The following FER variants were observed in gnomAD, a reference collection of about 807,000 sequenced individuals.
FER encodes the protein tyrosine-protein kinase Fer.
A neutral mutation model predicts 111.0 loss-of-function variants in FER; 63 were observed. That is an observed-to-expected ratio of 0.57 (90% CI 0.46 to 0.70). FER has a LOEUF of 0.70. FER is among the 30% of genes least tolerant of loss of function. FER has a pLI of 0.00. For missense variants in FER, 914 were observed against 954.0 expected, an observed-to-expected ratio of 0.96 and a Z score of 0.55; for synonymous variants, 327 against 313.9, an observed-to-expected ratio of 1.04 and a Z score of -0.44.
intron 5 of FER, among the ~76,000 whole-genome samples, chr5:108,864,557 G>C (rs557380873): frequency 6.6e-6 from 1 of 152,268 alleles, no homozygotes; most frequent in South Asian, 2.1e-4. Flanking sequence ...ATCTGTTTCT[G>C]TTTCAGCTTT....
chr5:108,838,629 T>A (rs1391405011), intron 5 of FER, among the ~76,000 whole-genome samples: 1 of 152,162 alleles, frequency 6.6e-6, no homozygotes, highest in South Asian at 2.1e-4. Flanking sequence ...TAAACTGATA[T>A]TTTAAATTTT....
chr5:108,998,437 C>T (rs75163407), intron 13 of FER, among the ~76,000 whole-genome samples: 1,598 of 152,184 alleles, frequency 0.011, 23 homozygotes, highest in African/African-American at 0.036. Context: ...CTGGGTGAGG[C>T]GACATCCCAT....
rs74970060 is a variant in FER at position 109,081,591 on chromosome 5, A to T, written c.1925-18805A>T. On this transcript the variant is annotated intron_variant, in intron 16 of 19. Transcript: ENST00000281092. ...TAAGGAAAAGGATATTCTCAGTATT[A>T]TATTGAAACCGATTTAGCTTTTTCT... 9.9e-3 allele frequency among the ~76,000 whole-genome samples: 1,501 copies of T among 152,126 alleles called. 20 individuals are homozygous for T. Among genetic ancestry groups the T allele is most frequent in the African/African-American group, 0.034 (1,424 of 41,526 alleles).
At chr5:109,144,115 A>G (rs1174608674) in intron 17 of FER, among the ~76,000 whole-genome samples, 2 of 152,090 alleles carry the variant, frequency 1.3e-5, no homozygotes, top group Admixed American at 1.3e-4. Flanking sequence ...TTCCTGGTGA[A>G]GGTGTTTCAG....
In FER at chr5:108,856,363, C is replaced by T. The variant is rs116928591; in HGVS notation, c.482-11404C>T. 2.8e-3 allele frequency among the ~76,000 whole-genome samples: 433 copies of T among 152,010 alleles called. 5 individuals carry two copies. Among genetic ancestry groups the T allele is most frequent in the Middle Eastern group, 0.027 (8 of 294 alleles). On this transcript the variant is annotated intron_variant, in intron 5 of 19. Coordinates refer to ENST00000281092, the MANE Select transcript of FER (RefSeq NM_005246.4). ...TTCCCACTCATTATTCATTTTTTTCCTCCAGAGGCAACAGATATTATCTGC... is the reference window on the plus strand; with the variant it reads ...TTCCCACTCATTATTCATTTTTTTCTTCCAGAGGCAACAGATATTATCTGC...
intron 13 of FER, among the ~76,000 whole-genome samples, chr5:109,029,142 C>G (rs988027154): frequency 1.3e-5 from 2 of 151,358 alleles, no homozygotes; most frequent in African/African-American, 4.9e-5. Flanking sequence ...CTTTGTTAAA[C>G]TTTCCTCACA....
intron 17 of FER, among the ~76,000 whole-genome samples, chr5:109,146,279 T>TATTATCTATCTA (rs1754197244): frequency 8.6e-6 from 1 of 115,638 alleles, no homozygotes; most frequent in Non-Finnish European, 1.8e-5. Flanking sequence ...TATATATATA[T>TATTATCTATCTA]ATATATATAT....
intron 17 of FER, among the ~76,000 whole-genome samples, chr5:109,168,850 A>T (rs10477439): frequency 6.6e-6 from 1 of 151,988 alleles, no homozygotes; most frequent in Non-Finnish European, 1.5e-5. Flanking sequence ...CTGTCACATT[A>T]TTCTTCCTGT....
At chr5:108,987,823 G>A (rs1343157420) in intron 13 of FER, among the ~76,000 whole-genome samples, 2 of 152,044 alleles carry the variant, frequency 1.3e-5, no homozygotes, top group African/African-American at 4.8e-5. Flanking sequence ...AGGACTTCCA[G>A]TACTATGTTG....
chr5:109,113,567 G>A (rs1420216923), intron 17 of FER, among the ~76,000 whole-genome samples: 3 of 152,106 alleles, frequency 2.0e-5, no homozygotes, highest in Non-Finnish European at 4.4e-5. Context: ...AAGCTACTGA[G>A]TTCTTCTGAA....
intron 3 of FER, among the ~76,000 whole-genome samples, chr5:108,822,222 T>TACAC (rs150804115): frequency 6.6e-6 from 1 of 151,784 alleles, no homozygotes; most frequent in East Asian, 1.9e-4. Context: ...TATATGTGTA[T>TACAC]ACACACACAC....
intron 5 of FER, among the ~76,000 whole-genome samples, chr5:108,837,455 T>G (rs1201734227): frequency 6.6e-6 from 1 of 152,178 alleles, no homozygotes; most frequent in African/African-American, 2.4e-5. Flanking sequence ...TCAAAATAGT[T>G]AATTTTATAA....
intron 17 of FER, among the ~76,000 whole-genome samples, chr5:109,136,289 T>C (rs1752885363): frequency 6.6e-6 from 1 of 151,220 alleles, no homozygotes; most frequent in Non-Finnish European, 1.5e-5. Flanking sequence ...CTAGACCCCG[T>C]CTAAAAATAA....
At chr5:109,180,208 A>G (rs143175806) in intron 17 of FER, among the ~76,000 whole-genome samples, 213 of 152,324 alleles carry the variant, frequency 1.4e-3, no homozygotes, top group African/African-American at 4.6e-3. Flanking sequence ...AGAGTTGCCA[A>G]ACTCTCTGGT....
chr5:109,098,484 T>C (rs1026992074), intron 16 of FER, among the ~76,000 whole-genome samples: 7 of 151,760 alleles, frequency 4.6e-5, no homozygotes, highest in African/African-American at 1.7e-4. Context: ...AGTTAGTCTG[T>C]AGCTCAGACA....
At chr5:109,016,234 A>G (rs1437258650) in intron 13 of FER, among the ~76,000 whole-genome samples, 1 of 151,780 alleles carries the variant, frequency 6.6e-6, no homozygotes, top group Non-Finnish European at 1.5e-5. Context: ...GAAGCATACA[A>G]TATATTGTTA....
intron 5 of FER, among the ~76,000 whole-genome samples, chr5:108,866,135 A>G (rs1764029269): frequency 6.6e-6 from 1 of 152,226 alleles, no homozygotes; most frequent in Admixed American, 6.5e-5. Context: ...ACACATGCAC[A>G]TGTATGTTTA....
intron 9 of FER, among the ~76,000 whole-genome samples, chr5:108,893,985 T>TTC (rs1554088133): frequency 1.5e-4 from 23 of 150,402 alleles, no homozygotes; most frequent in African/African-American, 5.1e-4. Context: ...TTTTTTTTTT[T>TTC]CCCCTGCATC....
chr5:108,761,326 G>A (rs903841294), intron 1 of FER, among the ~76,000 whole-genome samples: 1 of 152,104 alleles, frequency 6.6e-6, no homozygotes, highest in African/African-American at 2.4e-5. Flanking sequence ...ACACTTAGAG[G>A]CCTTTGAAGG....
Sources: allele counts gnomAD v4.1 joint callset (sites outside exome capture counted in the v4.1 genomes callset), GRCh38; gene constraint gnomAD v4.1.1; transcripts MANE v1.5; gene names NCBI Gene and HGNC (gene_info 2026-07-23, HGNC 2026-07-21).